ZNG1E: variants seen among roughly 807,000 people sequenced by gnomAD.
ZNG1E encodes the protein Zn regulated GTPase metalloprotein activator 1E.
chr9:65,712,171 GTTTGTA>G, the ZNG1E span, among the ~76,000 whole-genome samples: 3 of 146,704 alleles, frequency 2.0e-5, no homozygotes, highest in Non-Finnish European at 4.5e-5. Flanking sequence ...TCTGATGGTA[GTTTGTA>G]TTTCTGTGGG....
At chr9:65,686,781 A>G in the ZNG1E span, among the ~76,000 whole-genome samples, 1 of 152,194 alleles carries the variant, frequency 6.6e-6, no homozygotes. Context: ...TGTTATGGAG[A>G]TGGCTTCTTT....
the ZNG1E span, among the ~76,000 whole-genome samples, chr9:65,709,360 T>A: frequency 6.6e-6 from 1 of 151,070 alleles, no homozygotes. Context: ...TATTTATTTA[T>A]TATTATTATA....
the ZNG1E span, among the ~76,000 whole-genome samples, chr9:65,659,998 C>T: frequency 2.0e-5 from 3 of 148,490 alleles, no homozygotes; most frequent in East Asian, 1.9e-4. Flanking sequence ...TCGATGCACA[C>T]TTTTTCTCAG....
At chr9:65,662,265 G>A in the ZNG1E span, among the ~76,000 whole-genome samples, 1 of 152,178 alleles carries the variant, frequency 6.6e-6, no homozygotes, top group East Asian at 1.9e-4. Context: ...AGAGTGTCAA[G>A]GTCCTGGAAG....
chr9:65,724,741 C>A, the ZNG1E span, among the ~76,000 whole-genome samples: 2 of 93,508 alleles, frequency 2.1e-5, no homozygotes, highest in African/African-American at 4.2e-5. Context: ...CATTAAAATA[C>A]ATTTTAAACA....
chr9:65,685,212 A>G, the ZNG1E span, among the ~76,000 whole-genome samples: 512 of 152,132 alleles, frequency 3.4e-3, 1 homozygote, highest in East Asian at 0.029. Context: ...TTTTGCTGGT[A>G]GAGGGTCTTG....
chr9:65,679,586 C>G, the ZNG1E span: 1 of 386,498 alleles, frequency 2.6e-6, no homozygotes, highest in Non-Finnish European at 4.7e-6. Context: ...GATGGAGTCT[C>G]TCTCTGTCGC....
the ZNG1E span, among the ~76,000 whole-genome samples, chr9:65,724,298 C>A: frequency 6.6e-5 from 10 of 150,834 alleles, no homozygotes; most frequent in Admixed American, 5.3e-4. Flanking sequence ...TTATTGTACC[C>A]CTTAAAAATA....
the ZNG1E span, among the ~76,000 whole-genome samples, chr9:65,680,045 A>T: frequency 6.6e-6 from 1 of 152,270 alleles, no homozygotes; most frequent in Admixed American, 6.5e-5. Context: ...TTTATCTGTG[A>T]AAATAAGTGT....
chr9:65,699,243 A>C, the ZNG1E span, among the ~76,000 whole-genome samples: 1 of 146,574 alleles, frequency 6.8e-6, no homozygotes, highest in Non-Finnish European at 1.5e-5. Context: ...TATTTTTGTA[A>C]CTTTTTTCCT....
chr9:65,715,349 G>A, the ZNG1E span, among the ~76,000 whole-genome samples: 2 of 151,020 alleles, frequency 1.3e-5, no homozygotes, highest in Non-Finnish European at 2.9e-5. Context: ...TGGAGAAATC[G>A]CCTGTCTTCT....
the ZNG1E span, chr9:65,703,878 A>G: frequency 1.0e-6 from 1 of 960,972 alleles, no homozygotes; most frequent in Non-Finnish European, 1.2e-6. Context: ...ATGCATTCTC[A>G]GGAGCCGCTC....
chr9:65,680,321 TAA>T, the ZNG1E span, among the ~76,000 whole-genome samples: 1 of 152,392 alleles, frequency 6.6e-6, no homozygotes, highest in East Asian at 1.9e-4. Flanking sequence ...TTTAATAAAC[TAA>T]AGAGAAAAGT....
At chr9:65,686,808 C>G in the ZNG1E span, among the ~76,000 whole-genome samples, 118 of 152,312 alleles carry the variant, frequency 7.7e-4, no homozygotes, top group Non-Finnish European at 6.9e-4. Flanking sequence ...ATCTTGTGAA[C>G]CAACCTCTGC....
At chr9:65,660,458 T>A in the ZNG1E span, among the ~76,000 whole-genome samples, 19 of 152,300 alleles carry the variant, frequency 1.2e-4, no homozygotes, top group Non-Finnish European at 2.2e-4. Context: ...ATTGTTTACA[T>A]AGTCATGATA....
the ZNG1E span, among the ~76,000 whole-genome samples, chr9:65,729,385 ATAAAT>A: frequency 6.2e-5 from 6 of 96,022 alleles, no homozygotes; most frequent in African/African-American, 1.6e-4. Flanking sequence ...TCAACCCAAG[ATAAAT>A]TAAAGACTTA....
chr9:65,660,377 T>C, the ZNG1E span, among the ~76,000 whole-genome samples: 1 of 145,978 alleles, frequency 6.9e-6, no homozygotes, highest in Admixed American at 6.9e-5. Context: ...AATTATTAAT[T>C]TCAGGGAAAA....
the ZNG1E span, among the ~76,000 whole-genome samples, chr9:65,658,388 G>T: frequency 1.3e-5 from 2 of 151,434 alleles, no homozygotes; most frequent in African/African-American, 2.4e-5. Context: ...AGTAAGCAGA[G>T]CAAAAATATA....
the ZNG1E span, among the ~76,000 whole-genome samples, chr9:65,709,307 T>C: frequency 1.3e-5 from 2 of 151,294 alleles, no homozygotes; most frequent in Non-Finnish European, 2.9e-5. Context: ...CTCTTCACTT[T>C]ATTTTTTTAT....
Sources: allele counts gnomAD v4.1 joint callset (sites outside exome capture counted in the v4.1 genomes callset), GRCh38; gene constraint gnomAD v4.1.1; transcripts MANE v1.5; gene names NCBI Gene and HGNC (gene_info 2026-07-23, HGNC 2026-07-21).